The following PCDHGA3 variants were observed in gnomAD, a reference collection of about 807,000 sequenced individuals.
PCDHGA3 encodes the protein protocadherin gamma subfamily A, 3.
Under a neutral mutation model 58.5 loss-of-function variants are expected in PCDHGA3, and 40 were observed. That is an observed-to-expected ratio of 0.68 (90% CI 0.53 to 0.89). The LOEUF (loss-of-function observed/expected upper bound fraction) is 0.89, where lower values mean the gene tolerates loss of function less well. Ranked by LOEUF, PCDHGA3 falls within the 40% of genes least tolerant of loss-of-function variation. PCDHGA3 has a pLI of 0.00. For synonymous variants in PCDHGA3, 530 were observed against 525.7 expected (o/e 1.01, Z -0.11); for missense variants, 1,223 against 1,195.9 (o/e 1.02, Z -0.33).
At chr5:141,405,096 G>A (rs2094608531) in intron 1 of PCDHGA3, 6 of 1,613,808 alleles carry the variant, frequency 3.7e-6, no homozygotes, top group Admixed American at 1.7e-5. Flanking sequence ...CTGGCCCTCA[G>A]GCTGAGGCAC....
intron 1 of PCDHGA3, among the ~76,000 whole-genome samples, chr5:141,463,438 C>CTTTTTTTTTTTTT (rs71576115): frequency 9.7e-6 from 1 of 103,256 alleles, no homozygotes; most frequent in Non-Finnish European, 1.9e-5. Context: ...TTTCCTTCTC[C>CTTTTTTTTTTTTT]TTTTTTTTTT....
rs202194695 is a variant in PCDHGA3 at position 141,346,273 on chromosome 5, G to T, written c.2240G>T (p.Arg747Leu). ...CACTTTGTGGGCGCGGACGGGGTTC[G>T]GGCTTTCCTGCAGACCTATTCCCAC... is the stretch of plus-strand genomic sequence containing the variant. The part of the protein sequence containing the change: ...GSHFVGADGV[R>L]AFLQTYSHEV... The change falls in exon 1 of 4, where the codon CGG becomes CTG. Residue 747 changes from arginine to leucine, a missense_variant. Physicochemically the swap from Arg to Leu is moderately radical, Grantham distance 102. This residue lies in a region of PCDHGA3 where 325 missense variants were observed against 327.5 expected (regional missense o/e 0.99). Transcript: ENST00000253812. The T allele has an allele frequency of 1.2e-6, 2 of 1,614,046 alleles. No individual in the cohort carries two copies. Among genetic ancestry groups the T allele is most frequent in the African/African-American group, 2.7e-5 (2 of 74,912 alleles).
intron 2 of PCDHGA3, among the ~76,000 whole-genome samples, chr5:141,502,564 C>T (rs2099815067): frequency 1.3e-5 from 2 of 151,774 alleles, no homozygotes; most frequent in East Asian, 1.9e-4. Context: ...CCAGATCTCT[C>T]CATTATAAAA....
chr5:141,405,435 T>C, intron 1 of PCDHGA3: 1 of 1,463,324 alleles, frequency 6.8e-7, no homozygotes, highest in Non-Finnish European at 9.3e-7. Context: ...TTGTTTTGTT[T>C]TTGAGACAGA....
chr5:141,361,460 TCTC>T, intron 1 of PCDHGA3: 1 of 1,613,974 alleles, frequency 6.2e-7, no homozygotes, highest in East Asian at 2.2e-5. Flanking sequence ...ACCCTGCACA[TCTC>T]CGACGTCAAC....
intron 1 of PCDHGA3, among the ~76,000 whole-genome samples, chr5:141,436,477 G>A (rs748354852): frequency 1.3e-5 from 2 of 152,168 alleles, no homozygotes; most frequent in Non-Finnish European, 2.9e-5. Context: ...ATGTATCATA[G>A]AAGGATAGCA....
At chr5:141,475,448 G>C (rs774710049) in intron 1 of PCDHGA3, among the ~76,000 whole-genome samples, 1 of 152,214 alleles carries the variant, frequency 6.6e-6, no homozygotes, top group African/African-American at 2.4e-5. Context: ...CAGATAATGA[G>C]GAAGTGACAG....
intron 1 of PCDHGA3, chr5:141,426,867 G>C (rs1436078091): frequency 2.2e-6 from 1 of 456,590 alleles, no homozygotes; most frequent in African/African-American, 2.0e-5. Flanking sequence ...ATTAGTGCTG[G>C]AGAAGCCCCT....
intron 1 of PCDHGA3, chr5:141,351,719 A>C: frequency 6.2e-7 from 1 of 1,613,794 alleles, no homozygotes; most frequent in Non-Finnish European, 8.5e-7. Flanking sequence ...CTCCTACTCT[A>C]TTCTGGCCAG....
At chr5:141,400,172 C>G in intron 1 of PCDHGA3, 1 of 1,614,082 alleles carries the variant, frequency 6.2e-7, no homozygotes, top group Non-Finnish European at 8.5e-7. Context: ...GACCCCCAGG[C>G]TGAGCTGCAG....
intron 1 of PCDHGA3, chr5:141,433,078 C>A (rs947684072): frequency 2.5e-5 from 40 of 1,614,144 alleles, no homozygotes; most frequent in Non-Finnish European, 3.3e-5. Context: ...TCCCCCAGCC[C>A]AACTATGCAG....
intron 1 of PCDHGA3, chr5:141,365,824 G>C (rs745398679): frequency 2.5e-6 from 4 of 1,613,926 alleles, no homozygotes; most frequent in Non-Finnish European, 3.4e-6. Context: ...CATTTCAGGG[G>C]GCGCCCTTGT....
chr5:141,455,928 C>T (rs1160778812), intron 1 of PCDHGA3, among the ~76,000 whole-genome samples: 3 of 151,158 alleles, frequency 2.0e-5, no homozygotes, highest in African/African-American at 4.9e-5. Context: ...GACGGAGTCT[C>T]GCTCTGTCGC....
intron 1 of PCDHGA3, chr5:141,350,678 T>C: frequency 6.2e-7 from 1 of 1,613,918 alleles, no homozygotes; most frequent in East Asian, 2.2e-5. Flanking sequence ...CTTAGAAATT[T>C]GTGAGTCAGC....
chr5:141,430,666 G>A (rs2097301396), intron 1 of PCDHGA3: 1 of 1,222,518 alleles, frequency 8.2e-7, no homozygotes, highest in Admixed American at 2.7e-5. Flanking sequence ...GAGGAGCTCT[G>A]ACTTCCCAAC....
chr5:141,356,559 T>G (rs779037970), intron 1 of PCDHGA3: 1 of 1,614,140 alleles, frequency 6.2e-7, no homozygotes, highest in Non-Finnish European at 8.5e-7. Context: ...CCACTTTCCC[T>G]CATGCTTCCT....
rs778851755 is a variant in PCDHGA3, at chr5:141,477,795, G to A, written c.2425-17012G>A. ...AGCGTGAACATATTTGTCACTGATC[G>A]CAATGACAATGCCCCCCAGGTCCTA... On this transcript the variant is annotated intron_variant, in intron 1 of 3. Coordinates refer to ENST00000253812, the MANE Select transcript of PCDHGA3 (RefSeq NM_018916.4). This position sits in a 1 kb window ranked among gnomAD's most constrained non-coding sequence, Gnocchi z 4.9. The A allele has an allele frequency of 3.1e-6, 5 of 1,613,946 alleles. No individual in the cohort carries two copies. In the African/African-American group the frequency reaches 6.7e-5, roughly 22 times the overall value.
At chr5:141,380,746 A>G (rs1321659123) in intron 1 of PCDHGA3, among the ~76,000 whole-genome samples, 1 of 152,254 alleles carries the variant, frequency 6.6e-6, no homozygotes, top group African/African-American at 2.4e-5. Context: ...CAAAGAAGGT[A>G]CCAAGACACT....
chr5:141,405,437 T>A, intron 1 of PCDHGA3: 1 of 1,433,230 alleles, frequency 7.0e-7, no homozygotes, highest in Non-Finnish European at 9.6e-7. Context: ...GTTTTGTTTT[T>A]GAGACAGAGT....
Sources: allele counts gnomAD v4.1 joint callset (sites outside exome capture counted in the v4.1 genomes callset), GRCh38; gene constraint gnomAD v4.1.1; regional missense constraint gnomAD v4.1.1; non-coding constraint Gnocchi (gnomAD v3.1); transcripts MANE v1.5; gene names NCBI Gene and HGNC (gene_info 2026-07-23, HGNC 2026-07-21).